SLC25A48: variants seen among roughly 807,000 people sequenced by gnomAD.
The protein encoded by SLC25A48 is solute carrier family 25 member 48.
SLC25A48 carries 29 observed loss-of-function variants against 32.2 expected under a neutral mutation model. That is an observed-to-expected ratio of 0.90 (90% CI 0.67 to 1.23). SLC25A48 has a LOEUF of 1.23. Ranked by LOEUF, SLC25A48 falls within the 50% of genes most tolerant of loss-of-function variation. The probability of loss-of-function intolerance (pLI) is 0.00; values close to 1 mark genes in which losing one functional copy is unlikely to be tolerated. For synonymous variants in SLC25A48, 164 were observed against 172.3 expected (o/e 0.95, Z 0.38); for missense variants, 399 against 422.7 (o/e 0.94, Z 0.49).
rs748403838 is a variant in SLC25A48, at chr5:135,825,919, G to C, written c.-117+12993G>C. 2.6e-5 allele frequency: 4 copies of C among 152,230 alleles called. No individual in the cohort carries two copies. The East Asian group carries it at 5.8e-4, about 22-fold the overall frequency. 9.4% of individuals were successfully genotyped at this position (152,230 alleles called of 1,614,324 possible). On this transcript the variant is annotated intron_variant, in intron 4 of 10. Coordinates refer to the SLC25A48 transcript ENST00000646290. ...CCCAGGGCTGGTGCAGTCACACCAC[G>C]GGGAAGCCGGAGCTGACTGCAACAG...
intron 3 of SLC25A48, among the ~76,000 whole-genome samples, chr5:135,688,782 T>A (rs4246782): frequency 6.6e-5 from 10 of 151,828 alleles, no homozygotes; most frequent in Non-Finnish European, 1.0e-4. Flanking sequence ...AATTGTACAA[T>A]GGAGAGATGC....
At chr5:135,609,099 C>G (rs1005167699) in intron 1 of SLC25A48, among the ~76,000 whole-genome samples, 2 of 152,214 alleles carry the variant, frequency 1.3e-5, no homozygotes, top group African/African-American at 4.8e-5. Context: ...AAGTTTGGCT[C>G]ACCACTGACC....
intron 3 of SLC25A48, among the ~76,000 whole-genome samples, chr5:135,661,011 C>T (rs1310110605): frequency 6.6e-6 from 1 of 152,212 alleles, no homozygotes; most frequent in Admixed American, 6.5e-5. Flanking sequence ...CTCTGGAATG[C>T]CCCTGACTTT....
intron 3 of SLC25A48, among the ~76,000 whole-genome samples, chr5:135,809,053 G>A (rs1450752898): frequency 6.6e-6 from 1 of 152,014 alleles, no homozygotes; most frequent in Admixed American, 6.6e-5. Flanking sequence ...TGTCATCCCA[G>A]CACTTTGGGA....
At chr5:135,785,049 A>G (rs1275051238) in intron 3 of SLC25A48, among the ~76,000 whole-genome samples, 1 of 152,104 alleles carries the variant, frequency 6.6e-6, no homozygotes, top group African/African-American at 2.4e-5. Flanking sequence ...CCAATATCAT[A>G]GGAGATGTAC....
chr5:135,719,931 G>A (rs1754908954), intron 3 of SLC25A48, among the ~76,000 whole-genome samples: 1 of 152,226 alleles, frequency 6.6e-6, no homozygotes. Context: ...CTACCTGCGG[G>A]CAGGGCATGG....
chr5:135,676,404 C>A (rs1201045470), intron 3 of SLC25A48, among the ~76,000 whole-genome samples: 1 of 151,826 alleles, frequency 6.6e-6, no homozygotes, highest in Non-Finnish European at 1.5e-5. Context: ...ATTGGTTTAT[C>A]AATTTTGTCT....
chr5:135,684,782 C>G (rs1012211476), intron 3 of SLC25A48, among the ~76,000 whole-genome samples: 1 of 152,226 alleles, frequency 6.6e-6, no homozygotes, highest in African/African-American at 2.4e-5. Context: ...TATTCCGTTT[C>G]TAATGGCTGC....
At chr5:135,797,284 G>A (rs1757209868) in intron 3 of SLC25A48, among the ~76,000 whole-genome samples, 1 of 151,806 alleles carries the variant, frequency 6.6e-6, no homozygotes, top group Non-Finnish European at 1.5e-5. Context: ...CTGTGACATT[G>A]TTATATTGTT....
chr5:135,688,401 A>G (rs1031554586), intron 3 of SLC25A48, among the ~76,000 whole-genome samples: 1 of 152,150 alleles, frequency 6.6e-6, no homozygotes, highest in Non-Finnish European at 1.5e-5. Flanking sequence ...TATTCCTGTA[A>G]GAGATTTTGA....
chr5:135,742,957 T>TCCCCTCCCCTCCCA (rs1755534649), intron 3 of SLC25A48, among the ~76,000 whole-genome samples: 1 of 12,902 alleles, frequency 7.8e-5, no homozygotes, highest in Admixed American at 8.9e-4. Context: ...TCTGGAGACC[T>TCCCCTCCCCTCCCA]CCCCCTCCCC....
intron 3 of SLC25A48, chr5:135,803,194 G>A (rs144228900): frequency 6.6e-6 from 1 of 151,560 alleles, no homozygotes; most frequent in Non-Finnish European, 1.5e-5. Context: ...TAATATCACA[G>A]TGGGTGCACT....
intron 3 of SLC25A48, among the ~76,000 whole-genome samples, chr5:135,786,905 A>G (rs1171175274): frequency 6.6e-6 from 1 of 151,906 alleles, no homozygotes. Flanking sequence ...GGTGTACACC[A>G]TGTGTGTACA....
At chr5:135,819,362 G>A (rs1757819969) in intron 4 of SLC25A48, among the ~76,000 whole-genome samples, 1 of 152,078 alleles carries the variant, frequency 6.6e-6, no homozygotes, top group South Asian at 2.1e-4. Flanking sequence ...AGAGAAGAAT[G>A]GCACACTACA....
intron 3 of SLC25A48, among the ~76,000 whole-genome samples, chr5:135,702,312 A>T (rs573451927): frequency 1.1e-4 from 16 of 152,364 alleles, no homozygotes; most frequent in Non-Finnish European, 2.1e-4. Context: ...CCTATATCCA[A>T]TGACCAGTGT....
intron 3 of SLC25A48, among the ~76,000 whole-genome samples, chr5:135,722,526 G>A (rs113756404): frequency 2.3e-4 from 35 of 152,334 alleles, no homozygotes; most frequent in African/African-American, 8.4e-4. Flanking sequence ...GCAGGAACAT[G>A]GTGTGGAACT....
chr5:135,633,384 G>A (rs1395669410), intron 2 of SLC25A48, among the ~76,000 whole-genome samples: 5 of 152,030 alleles, frequency 3.3e-5, no homozygotes, highest in Middle Eastern at 3.4e-3. Context: ...TAAGGTAACT[G>A]AGGTCATAAG....
At chr5:135,634,062 A>C (rs1040365012) in intron 2 of SLC25A48, among the ~76,000 whole-genome samples, 3 of 152,170 alleles carry the variant, frequency 2.0e-5, no homozygotes, top group African/African-American at 7.2e-5. Context: ...TTGCTGTGCT[A>C]TGGGGGTACC....
At chr5:135,882,427 A>T (rs1025757194) in intron 7 of SLC25A48, among the ~76,000 whole-genome samples, 4 of 152,262 alleles carry the variant, frequency 2.6e-5, no homozygotes, top group Admixed American at 2.6e-4. Flanking sequence ...ACAGAGTGAG[A>T]TGATGTATAT....
Sources: gnomAD v4.1 joint callset for allele counts (sites outside exome capture counted in the v4.1 genomes callset) on GRCh38, gnomAD v4.1.1 for gene constraint, MANE v1.5 for transcripts, NCBI Gene and HGNC (gene_info 2026-07-23, HGNC 2026-07-21) for gene names.